The following TMEM132C variants were observed in gnomAD, a reference collection of about 807,000 sequenced individuals.
The protein encoded by TMEM132C is protein phosphatase 1, regulatory subunit 152.
In TMEM132C, 29 loss-of-function variants were observed where a neutral mutation model predicts 61.4. The observed-to-expected ratio is 0.47, with a 90% CI of 0.35 to 0.64. TMEM132C has a LOEUF of 0.64. Among genes scored for constraint, TMEM132C ranks in the 30% least tolerant of loss-of-function variants. TMEM132C has a pLI of 0.00. For synonymous variants in TMEM132C, 656 were observed against 633.1 expected, an observed-to-expected ratio of 1.04 and a Z score of -0.54; for missense variants, 1,408 against 1,476.9, an observed-to-expected ratio of 0.95 and a Z score of 0.76.
chr12:128,557,539 C>G (rs1271444819), intron 3 of TMEM132C, among the ~76,000 whole-genome samples: 1 of 152,162 alleles, frequency 6.6e-6, no homozygotes, highest in Non-Finnish European at 1.5e-5. Context: ...AGGTGAGGTC[C>G]TCCCCCTGAA....
At chr12:128,556,743 A>C (rs1874340324) in intron 3 of TMEM132C, among the ~76,000 whole-genome samples, 1 of 152,096 alleles carries the variant, frequency 6.6e-6, no homozygotes, top group South Asian at 2.1e-4. Flanking sequence ...CCATGCTGTG[A>C]GGAAGCCCAA....
chr12:128,289,158 T>TTATA (rs1043937514), intron 1 of TMEM132C: 1 of 18,706 alleles, frequency 5.3e-5, no homozygotes, highest in Non-Finnish European at 3.1e-4. Flanking sequence ...ACATGCACGC[T>TTATA]CATACGCATG....
At chr12:128,408,022 T>C (rs1875406902) in intron 1 of TMEM132C, among the ~76,000 whole-genome samples, 1 of 142,116 alleles carries the variant, frequency 7.0e-6, no homozygotes, top group East Asian at 2.1e-4. Flanking sequence ...CCTTGCTCCT[T>C]TCTTTATGGT....
At chr12:128,301,839 G>C (rs113419394) in intron 1 of TMEM132C, among the ~76,000 whole-genome samples, 1 of 152,156 alleles carries the variant, frequency 6.6e-6, no homozygotes, top group Non-Finnish European at 1.5e-5. Context: ...TAATGGACTC[G>C]CAGTTCCATG....
intron 3 of TMEM132C, among the ~76,000 whole-genome samples, chr12:128,557,489 T>C (rs752932271): frequency 6.6e-6 from 1 of 152,218 alleles, no homozygotes; most frequent in Non-Finnish European, 1.5e-5. Flanking sequence ...ATTTCAGAAC[T>C]AATGTCTCGC....
chr12:128,282,405 C>T (rs1163675086), intron 1 of TMEM132C, among the ~76,000 whole-genome samples: 2 of 152,120 alleles, frequency 1.3e-5, no homozygotes, highest in African/African-American at 4.8e-5. Flanking sequence ...TGGCAGAAGG[C>T]AAAGGAGAAG....
chr12:128,354,592 C>T (rs1873442244), intron 1 of TMEM132C, among the ~76,000 whole-genome samples: 1 of 151,904 alleles, frequency 6.6e-6, no homozygotes, highest in Admixed American at 6.6e-5. Flanking sequence ...AATTCAAAAC[C>T]ACAGCTTTCT....
At chr12:128,536,299 C>G (rs1028614103) in intron 2 of TMEM132C, among the ~76,000 whole-genome samples, 5 of 152,028 alleles carry the variant, frequency 3.3e-5, no homozygotes, top group Non-Finnish European at 7.4e-5. Flanking sequence ...GGACAGAAAA[C>G]CAAACACCGC....
At chr12:128,393,081 G>A (rs1403236627) in intron 1 of TMEM132C, among the ~76,000 whole-genome samples, 1 of 152,228 alleles carries the variant, frequency 6.6e-6, no homozygotes, top group Non-Finnish European at 1.5e-5. Context: ...CCTGAGAGAT[G>A]CCTATCATGG....
At chr12:128,325,830 C>A (rs1872493188) in intron 1 of TMEM132C, among the ~76,000 whole-genome samples, 1 of 152,050 alleles carries the variant, frequency 6.6e-6, no homozygotes, top group South Asian at 2.1e-4. Flanking sequence ...GGCTGCCCTC[C>A]CAGTAAGAGG....
chr12:128,618,004 C>G (rs1876868919), intron 4 of TMEM132C, among the ~76,000 whole-genome samples: 1 of 152,166 alleles, frequency 6.6e-6, no homozygotes, highest in South Asian at 2.1e-4. Context: ...TTTTAAATAT[C>G]TACATTTTTA....
Position 128,706,424 on chromosome 12 carries a change from A to G in TMEM132C, c.*129A>G, listed in dbSNP as rs1954841454. The G allele has an allele frequency of 3.2e-6, 4 of 1,240,324 alleles. No individual in the cohort carries two copies. The highest frequency in any genetic ancestry group is 6.5e-5 in the Admixed American group (2 of 30,872). 76.8% of individuals were successfully genotyped at this position (1,240,324 alleles called of 1,614,324 possible). A position where few individuals can be genotyped will look rare whatever the true frequency, so the allele number is the denominator to read the frequency against. ...AGGGTCCATGCTAGACCAGTTGGAA[A>G]GTTTTGAAGTCAGGAAAAGACGTTT... is the stretch of plus-strand genomic sequence containing the variant. On this transcript the variant is annotated 3_prime_UTR_variant, in exon 9 of 9. Transcript: ENST00000435159.
At chr12:128,287,742 A>T (rs1403228081) in intron 1 of TMEM132C, among the ~76,000 whole-genome samples, 1 of 152,172 alleles carries the variant, frequency 6.6e-6, no homozygotes, top group African/African-American at 2.4e-5. Context: ...AAAGCCAAAG[A>T]AAACTGATTT....
intron 4 of TMEM132C, among the ~76,000 whole-genome samples, chr12:128,645,674 T>G (rs559709964): frequency 2.0e-5 from 3 of 152,336 alleles, no homozygotes; most frequent in African/African-American, 7.2e-5. Context: ...TGTGGTTCCT[T>G]TGAGATGCCA....
intron 4 of TMEM132C, among the ~76,000 whole-genome samples, chr12:128,667,098 G>A (rs61940598): frequency 6.6e-6 from 1 of 152,080 alleles, no homozygotes; most frequent in Non-Finnish European, 1.5e-5. Context: ...GATATAGATA[G>A]AGATAGAGAT....
chr12:128,440,207 A>T (rs1042042845), intron 2 of TMEM132C, among the ~76,000 whole-genome samples: 1 of 152,226 alleles, frequency 6.6e-6, no homozygotes, highest in Non-Finnish European at 1.5e-5. Context: ...GGTCACAACT[A>T]GTGGCTTCTG....
At chr12:128,537,136 A>G (rs1873560148) in intron 2 of TMEM132C, among the ~76,000 whole-genome samples, 1 of 152,232 alleles carries the variant, frequency 6.6e-6, no homozygotes, top group African/African-American at 2.4e-5. Context: ...CATGATCCCA[A>G]GGTGGGGTTT....
chr12:128,273,969 A>G (rs1870600693), intron 1 of TMEM132C, among the ~76,000 whole-genome samples: 1 of 152,162 alleles, frequency 6.6e-6, no homozygotes, highest in African/African-American at 2.4e-5. Flanking sequence ...CTAAATGGGT[A>G]CTTCTGATGT....
chr12:128,544,175 C>T, intron 3 of TMEM132C, 72 bp downstream of exon 3: 2 of 1,437,450 alleles, frequency 1.4e-6, no homozygotes, highest in Non-Finnish European at 1.8e-6. Flanking sequence ...GCGTAAGAGC[C>T]TTGACTTGGA....
Sources: gnomAD v4.1 joint callset for allele counts (sites outside exome capture counted in the v4.1 genomes callset) on GRCh38, gnomAD v4.1.1 for gene constraint, MANE v1.5 for transcripts, NCBI Gene and HGNC (gene_info 2026-07-23, HGNC 2026-07-21) for gene names.